The following PRRC2B variants were observed in gnomAD, a reference collection of about 807,000 sequenced individuals.
PRRC2B encodes protein PRRC2B.
A neutral mutation model predicts 242.3 loss-of-function variants in PRRC2B; 68 were observed. That is an observed-to-expected ratio of 0.28 (90% CI 0.23 to 0.34). The LOEUF is 0.34. Ranked by LOEUF, PRRC2B falls within the 10% of genes least tolerant of loss-of-function variation. The probability of loss-of-function intolerance (pLI) is 1.00; values close to 1 mark genes in which losing one functional copy is unlikely to be tolerated. For missense variants in PRRC2B, 2,835 were observed against 2,954.8 expected (o/e 0.96, Z 0.94); for synonymous variants, 1,228 against 1,173.6 (o/e 1.05, Z -0.95).
chr9:131,491,848 C>T (rs184963901), intron 29 of PRRC2B, among the ~76,000 whole-genome samples: 1 of 152,334 alleles, frequency 6.6e-6, no homozygotes, highest in African/African-American at 2.4e-5. Context: ...GGCTCTCCCA[C>T]TTCACTTTAA....
intron 10 of PRRC2B, among the ~76,000 whole-genome samples, chr9:131,458,543 TG>T (rs1369851439): frequency 2.0e-5 from 3 of 151,948 alleles, no homozygotes; most frequent in Admixed American, 6.6e-5. Flanking sequence ...CTCTGTTTGT[TG>T]CCCAGGCTGG....
intron 22 of PRRC2B, 105 bp downstream of exon 22, chr9:131,483,012 A>G: frequency 7.5e-7 from 1 of 1,331,774 alleles, no homozygotes; most frequent in Non-Finnish European, 1.0e-6. Flanking sequence ...GAATAGAAGG[A>G]TGGGAGCCAA....
chr9:131,491,286 C>A, intron 28 of PRRC2B, 139 bp from the exon 29 acceptor site: 1 of 859,822 alleles, frequency 1.2e-6, no homozygotes, highest in Non-Finnish European at 1.8e-6. Context: ...GAAATTAGAG[C>A]ATGTCCTGCT....
chr9:131,432,270 G>A (rs934566582), intron 2 of PRRC2B, among the ~76,000 whole-genome samples: 1 of 152,174 alleles, frequency 6.6e-6, no homozygotes, highest in African/African-American at 2.4e-5. Context: ...GACCAGAGCT[G>A]TCTCAACTTG....
At chr9:131,419,074 A>G (rs145909151) in intron 1 of PRRC2B, among the ~76,000 whole-genome samples, 237 of 152,344 alleles carry the variant, frequency 1.6e-3, no homozygotes, top group African/African-American at 5.6e-3. Flanking sequence ...TGATGGAGAA[A>G]TAAATGAGCA....
At chr9:131,413,850 T>C (rs1837570250) in intron 1 of PRRC2B, among the ~76,000 whole-genome samples, 1 of 152,020 alleles carries the variant, frequency 6.6e-6, no homozygotes, top group Admixed American at 6.6e-5. Context: ...TTTTGTATTT[T>C]TAGTAGAGAT....
At chr9:131,420,497 T>TTTCTCTCTTTCTTTCTTTCTTTCTTTC (rs1837801640) in intron 1 of PRRC2B, among the ~76,000 whole-genome samples, 1 of 16,432 alleles carries the variant, frequency 6.1e-5, no homozygotes, top group African/African-American at 1.4e-4. Context: ...TTCTTTCTTT[T>TTTCTCTCTTTCTTTCTTTCTTTCTTTC]TTTTTTTTTT....
rs138903125 is a variant in PRRC2B at position 131,452,524 on chromosome 9, T to G, written c.1121-2552T>G. On this transcript the variant is annotated intron_variant, in intron 9 of 31. Coordinates refer to ENST00000683519, the MANE Select transcript of PRRC2B (RefSeq NM_013318.4). ...TAACATAAAGTTGTTGAAAATATAT[T>G]ACATTATCCTTTTGATGTCTGTAGG... Among the ~76,000 whole-genome samples, 340 of 152,362 alleles carry G rather than the reference T, an allele frequency of 2.2e-3. 1 individual carries two copies. Among genetic ancestry groups the G allele is most frequent in the African/African-American group, 7.9e-3 (330 of 41,584 alleles).
intron 2 of PRRC2B, 106 bp from the exon 3 acceptor site, chr9:131,432,511 C>T: frequency 8.8e-7 from 1 of 1,131,364 alleles, no homozygotes; most frequent in Non-Finnish European, 1.3e-6. Flanking sequence ...GTTGGGTTAG[C>T]TTTGTTATGA....
chr9:131,483,002 G>A (rs1330362628), intron 22 of PRRC2B, 95 bp downstream of exon 22: 1 of 1,408,740 alleles, frequency 7.1e-7, no homozygotes, highest in Non-Finnish European at 9.7e-7. Flanking sequence ...CTCCTAGAAG[G>A]AATAGAAGGA....
In PRRC2B at chr9:131,487,259, G is replaced by A. The variant is rs1351670277; in HGVS notation, c.5949G>A (p.Gln1983=). The change falls in exon 27 of 32, where the codon CAG becomes CAA. Residue 1983 remains glutamine, a synonymous_variant. Transcript: ENST00000683519. This position sits in a 1 kb window ranked among gnomAD's most constrained non-coding sequence, Gnocchi z 5.3. ...LGLRGGLPVS[Q]SQEIFSSLQP... is the part of the protein sequence containing the mutation. ...TGAGGGGTGGGCTTCCTGTGTCCCA[G>A]TCCCAGGAGATCTTCAGCTCCTTGC... is the stretch of plus-strand genomic sequence containing the variant. The A allele has an allele frequency of 6.2e-6, 10 of 1,612,624 alleles. No homozygotes were observed. Among genetic ancestry groups the A allele is most frequent in the Non-Finnish European group, 6.8e-6 (8 of 1,179,332 alleles).
Position 131,475,174 on chromosome 9 carries a change from C to G in PRRC2B, c.3045C>G (p.Arg1015=), listed in dbSNP as rs372389833. The G allele has an allele frequency of 6.2e-7, 1 of 1,613,312 alleles. No individual in the cohort carries two copies. The highest frequency in any genetic ancestry group is 1.1e-5 in the South Asian group (1 of 90,984). ...GCCCTGGCCATGCCACTTTTGGCCGCGAGGCCACCAAATTTGAAGAGGAGG... is the reference window on the plus strand; with the variant it reads ...GCCCTGGCCATGCCACTTTTGGCCGGGAGGCCACCAAATTTGAAGAGGAGG... The part of the protein sequence containing the change: ...DKGPGHATFG[R]EATKFEEEEK... Residue 1015 remains arginine, a synonymous_variant, in exon 16 of 32, where the codon CGC becomes CGG. Coordinates refer to ENST00000683519, the MANE Select transcript of PRRC2B (RefSeq NM_013318.4).
At chr9:131,379,453 G>T (rs1836727134) in intron 1 of PRRC2B, among the ~76,000 whole-genome samples, 1 of 151,956 alleles carries the variant, frequency 6.6e-6, no homozygotes, top group Non-Finnish European at 1.5e-5. Context: ...GTCAACACTT[G>T]TTATTTTCCA....
chr9:131,470,875 A>G lies in PRRC2B; in HGVS notation c.1999A>G (p.Met667Val). 2 of 1,597,390 alleles carry G rather than the reference A, an allele frequency of 1.3e-6. No homozygotes were observed. The highest frequency in any genetic ancestry group is 1.7e-6 in the Non-Finnish European group (2 of 1,169,116). Residue 667 changes from methionine to valine, a missense_variant, in exon 14 of 32, where the codon ATG becomes GTG. Physicochemically the swap from Met to Val is conservative, Grantham distance 21. This residue lies in a region of PRRC2B where 1,536 missense variants were observed against 1,483.1 expected (regional missense o/e 1.04). Coordinates refer to ENST00000683519, the MANE Select transcript of PRRC2B (RefSeq NM_013318.4). ...CACCTTTTACCCACACCACCCCCAG[A>G]TGTTGGGCTTCGATCCCAGGTGGAT... is the stretch of plus-strand genomic sequence containing the variant. Reference protein sequence around the residue: ...QRTFYPHHPQMLGFDPRWMMM... With the variant: ...QRTFYPHHPQVLGFDPRWMMM...
In PRRC2B at chr9:131,464,768, A is replaced by G. The variant is rs1454790820; in HGVS notation, c.1410A>G (p.Ser470=). The G allele has an allele frequency of 1.3e-6, 2 of 1,587,318 alleles. No homozygotes were observed. Among genetic ancestry groups the G allele is most frequent in the Non-Finnish European group, 1.7e-6 (2 of 1,163,572 alleles). ...CAGAGACATTCTCTTGGCAGAAGTC[A>G]TCAATGGGCAGCATGTTCCGGCAAC... ...GWAPGPDYQK[S]SMGSMFRQQS... is the part of the protein sequence containing the mutation. The change falls in exon 12 of 32, where the codon TCA becomes TCG. Residue 470 remains serine, a synonymous_variant. Coordinates refer to ENST00000683519, the MANE Select transcript of PRRC2B (RefSeq NM_013318.4).
At chr9:131,420,467 T>TTCTCTCTTTCTC (rs1452110797) in intron 1 of PRRC2B, among the ~76,000 whole-genome samples, 3 of 11,664 alleles carry the variant, frequency 2.6e-4, no homozygotes, top group Non-Finnish European at 5.4e-4. Context: ...CTTTCTTTCT[T>TTCTCTCTTTCTC]TCTTTCTTTC....
rs12686603 is a variant in PRRC2B, at chr9:131,472,327, C to T, written c.2108-1181C>T. On this transcript the variant is annotated intron_variant, in intron 14 of 31. Transcript: ENST00000683519. ...TGATTATTATTATTATTATTTGAGACAGAGTCTTGCTCTGTCATGCAGGTT... is the reference window on the plus strand; with the variant it reads ...TGATTATTATTATTATTATTTGAGATAGAGTCTTGCTCTGTCATGCAGGTT... Among the ~76,000 whole-genome samples, 32 of 152,178 alleles carry T rather than the reference C, an allele frequency of 2.1e-4. No homozygotes were observed. The East Asian group carries it at 5.4e-3, about 26-fold the overall frequency.
At chr9:131,424,221 C>T (rs951875375) in intron 1 of PRRC2B, among the ~76,000 whole-genome samples, 12 of 152,072 alleles carry the variant, frequency 7.9e-5, no homozygotes, top group East Asian at 3.9e-4. Flanking sequence ...GGATTACAAG[C>T]GTGAGCCCCG....
chr9:131,446,317 G>A lies in PRRC2B; in HGVS notation c.614-84G>A. ...CATTTTATTTTTTTGGTGAAGGAGG[G>A]GGTCCCTTGACCTTCAGAACCTCAT... On this transcript the variant is annotated intron_variant, in intron 6 of 31. Transcript: ENST00000683519. The surrounding 1 kb of genome is among the most constrained non-coding windows in gnomAD (Gnocchi z 4.1). The A allele has an allele frequency of 6.8e-7, 1 of 1,479,552 alleles. No individual in the cohort carries two copies. The highest frequency in any genetic ancestry group is 2.1e-5 in the Admixed American group (1 of 46,948). 91.7% of individuals were successfully genotyped at this position (1,479,552 alleles called of 1,614,324 possible).
Sources: gnomAD v4.1 joint callset for allele counts (sites outside exome capture counted in the v4.1 genomes callset) on GRCh38, gnomAD v4.1.1 for gene constraint, gnomAD v4.1.1 regional missense constraint, Gnocchi (gnomAD v3.1) non-coding constraint, MANE v1.5 for transcripts, NCBI Gene and HGNC (gene_info 2026-07-23, HGNC 2026-07-21) for gene names.